The following GABRR3 variants were observed in gnomAD, a reference collection of about 807,000 sequenced individuals.
GABRR3 encodes the protein gamma-aminobutyric acid receptor subunit rho-3.
GABRR3 carries 29 observed loss-of-function variants against 43.2 expected under a neutral mutation model. The ratio of observed to expected loss-of-function variants is 0.67; its 90% CI spans 0.50 to 0.92. The LOEUF is 0.92. GABRR3 is among the 40% of genes least tolerant of loss of function. The pLI, the probability that GABRR3 is intolerant of heterozygous loss-of-function variation, is 0.00. For missense variants in GABRR3, 576 were observed against 572.3 expected, an observed-to-expected ratio of 1.01 and a Z score of -0.07; for synonymous variants, 206 against 195.9, an observed-to-expected ratio of 1.05 and a Z score of -0.43.
intron 7 of GABRR3, 121 bp from the exon 8 acceptor site, chr3:98,001,888 T>C (rs1706648997): frequency 1.9e-6 from 2 of 1,026,494 alleles, no homozygotes; most frequent in Admixed American, 2.5e-5. Flanking sequence ...GACAAACTCA[T>C]CTCCATTTAG....
At chr3:97,987,131 T>C (rs984855885) in intron 9 of GABRR3, 149 bp from the exon 10 acceptor site, 1 of 609,350 alleles carries the variant, frequency 1.6e-6, no homozygotes, top group African/African-American at 1.9e-5. Context: ...TTTTTCTTTA[T>C]AGAAAATATA....
In GABRR3 at chr3:97,992,841, C is replaced by A. The variant is rs747153467; in HGVS notation, c.1104+11G>T. ...TCCCCAAGGGATCTGATAGTCAGAG[C>A]AAGGCTGTACCTTTCCTGTCTTCTT... On this transcript the variant is annotated intron_variant, in intron 9 of 9. Coordinates refer to ENST00000621172, the Ensembl canonical transcript of GABRR3. The A allele has an allele frequency of 1.3e-6, 2 of 1,591,444 alleles. No individual in the cohort carries two copies. Among genetic ancestry groups the A allele is most frequent in the Admixed American group, 1.7e-5 (1 of 58,340 alleles).
downstream of GABRR3, chr3:97,986,560 C>T: frequency 1.6e-6 from 1 of 644,102 alleles, no homozygotes; most frequent in Non-Finnish European, 2.5e-6. Context: ...TTCAAATTTT[C>T]ATTAGGGCAG....
In GABRR3 at chr3:97,990,194, G is replaced by A. The variant is rs570476941; in HGVS notation, c.1104+2658C>T. On this transcript the variant is annotated intron_variant, in intron 9 of 9. Transcript: ENST00000621172. ...CACTTTATATTTGCAAAGTTTTTAC[G>A]CCCTTTTACTATATCACTTGATCAT... Among the ~76,000 whole-genome samples the A allele has an allele frequency of 4.6e-5, 7 of 152,208 alleles. No individual in the cohort carries two copies. The East Asian group carries it at 7.7e-4, about 17-fold the overall frequency.
chr3:98,017,719 G>C (rs1183540689), exon 4 of GABRR3: 1 of 1,606,306 alleles, frequency 6.2e-7, no homozygotes, highest in Non-Finnish European at 8.5e-7. Context: ...TGGCACTGGA[G>C]ACCCTTAAGA....
chr3:98,017,721 C>A (rs1217586274), exon 4 of GABRR3: 2 of 1,605,548 alleles, frequency 1.2e-6, no homozygotes, highest in East Asian at 2.2e-5. Flanking sequence ...GCACTGGAGA[C>A]CCTTAAGAAA....
intron 2 of GABRR3, among the ~76,000 whole-genome samples, chr3:98,026,443 A>T (rs1707016830): frequency 6.6e-6 from 1 of 151,528 alleles, no homozygotes; most frequent in African/African-American, 2.4e-5. Context: ...AGGTTGCTGG[A>T]CCTCCCTGAT....
At chr3:98,017,904 C>T (rs961600847) in intron 3 of GABRR3, among the ~76,000 whole-genome samples, 182 bp from the exon 4 acceptor site, 21 of 151,822 alleles carry the variant, frequency 1.4e-4, no homozygotes, top group African/African-American at 3.9e-4. Context: ...ATAATAAAGG[C>T]ACATGTGTAA....
At position 98,012,895 on chromosome 3, in the gene GABRR3, C is replaced by T. The variant is rs557838322; in HGVS notation, c.307-328G>A. On this transcript the variant is annotated intron_variant, in intron 4 of 9. Coordinates refer to ENST00000621172, the Ensembl canonical transcript of GABRR3. ...TAAAGAGATTTCAGAAGAAAGGAAC[C>T]TGAAACTTTACTATTTTATTGTCCA... Among the ~76,000 whole-genome samples the T allele has an allele frequency of 2.0e-5, 3 of 152,228 alleles. No homozygotes were observed. The South Asian group carries it at 6.2e-4, about 32-fold the overall frequency.
At chr3:97,989,327 T>G (rs903986130) in intron 9 of GABRR3, among the ~76,000 whole-genome samples, 1 of 149,372 alleles carries the variant, frequency 6.7e-6, no homozygotes, top group Non-Finnish European at 1.5e-5. Context: ...TGGTGGTTGG[T>G]AGTAAGTGGT....
intron 8 of GABRR3, 25 bp downstream of exon 8, chr3:98,001,590 T>C: frequency 6.2e-7 from 1 of 1,611,590 alleles, no homozygotes. Context: ...ATGTTAACAT[T>C]TTATAAAGAT....
At chr3:98,009,627 T>G (rs1247545685) in intron 5 of GABRR3, among the ~76,000 whole-genome samples, 1 of 152,178 alleles carries the variant, frequency 6.6e-6, no homozygotes, top group African/African-American at 2.4e-5. Flanking sequence ...TTTTATATCC[T>G]CCTAGATTTT....
chr3:98,013,226 T>A (rs1289600633), intron 4 of GABRR3, among the ~76,000 whole-genome samples: 2 of 152,224 alleles, frequency 1.3e-5, no homozygotes, highest in Non-Finnish European at 2.9e-5. Flanking sequence ...CAGAAGCTAG[T>A]TCTCAGAGAT....
At chr3:97,995,021 C>G (rs995077102) in intron 8 of GABRR3, among the ~76,000 whole-genome samples, 1 of 152,116 alleles carries the variant, frequency 6.6e-6, no homozygotes, top group Non-Finnish European at 1.5e-5. Context: ...TCTTGTCCCC[C>G]AGGCTGGAGT....
At chr3:97,985,176 C>T (rs1463048951), downstream of GABRR3, among the ~76,000 whole-genome samples, 2 of 152,142 alleles carry the variant, frequency 1.3e-5, no homozygotes, top group Admixed American at 1.3e-4. Flanking sequence ...TTCATATTTC[C>T]TGCCAAGGGC....
At chr3:97,990,908 T>G (rs1268700114) in intron 9 of GABRR3, among the ~76,000 whole-genome samples, 1 of 152,164 alleles carries the variant, frequency 6.6e-6, no homozygotes, top group Non-Finnish European at 1.5e-5. Flanking sequence ...ACTGCACACT[T>G]AAAAACAATT....
At chr3:98,024,357 A>G (rs1296374824) in intron 3 of GABRR3, among the ~76,000 whole-genome samples, 4 of 125,126 alleles carry the variant, frequency 3.2e-5, no homozygotes, top group Admixed American at 2.8e-4. Context: ...ACAGAGTGAG[A>G]CTCCGTCTCA....
intron 8 of GABRR3, among the ~76,000 whole-genome samples, chr3:97,995,658 G>GA (rs1559774182): frequency 6.6e-6 from 1 of 151,636 alleles, no homozygotes; most frequent in Non-Finnish European, 1.5e-5. Context: ...TAGGGGGAGT[G>GA]AATGATGAGA....
At chr3:98,033,472 A>G in intron 2 of GABRR3, among the ~76,000 whole-genome samples, 1 of 152,134 alleles carries the variant, frequency 6.6e-6, no homozygotes, top group East Asian at 1.9e-4. Context: ...TTTAAATGTC[A>G]CCTAAAAAAT....
Sources: allele counts gnomAD v4.1 joint callset (sites outside exome capture counted in the v4.1 genomes callset), GRCh38; gene constraint gnomAD v4.1.1; transcripts MANE v1.5; gene names NCBI Gene and HGNC (gene_info 2026-07-23, HGNC 2026-07-21).